C6orf163: variants seen among roughly 807,000 people sequenced by gnomAD.
C6orf163 encodes the protein uncharacterized protein C6orf163.
In C6orf163, 22 loss-of-function variants were observed where a neutral mutation model predicts 28.4. That is an observed-to-expected ratio of 0.78 (90% confidence interval 0.55 to 1.11). The LOEUF (loss-of-function observed/expected upper bound fraction) is 1.11. Ranked by LOEUF, C6orf163 falls within the 50% of genes least tolerant of loss-of-function variation. The pLI is 0.00. For missense variants in C6orf163, 342 were observed against 389.1 expected (o/e 0.88, Z 1.02); for synonymous variants, 110 against 123.6 (o/e 0.89, Z 0.73).
chr6:87,354,078 C>T (rs544448963), intron 3 of C6orf163, among the ~76,000 whole-genome samples: 4 of 152,224 alleles, frequency 2.6e-5, no homozygotes, highest in Admixed American at 1.3e-4. Flanking sequence ...AGGCTGGTCT[C>T]GAACTCCTGG....
Position 87,365,033 on chromosome 6 carries a change from G to T in C6orf163, c.627G>T (p.Leu209=), listed in dbSNP as rs1202296210. ...ATGAGAAGACCAGTGTGGCCCGACT[G>T]ATGAGGGAAAAAGAACATGAAATGA... ...IKDEKTSVAR[L]MREKEHEMSI... is the part of the protein sequence containing the mutation. The change falls in exon 5 of 5, where the codon CTG becomes CTT. Residue 209 remains leucine (L), a synonymous_variant. Coordinates refer to ENST00000388923, the MANE Select transcript of C6orf163 (RefSeq NM_001010868.3). 3.9e-6 allele frequency: 6 copies of T among 1,551,710 alleles called. No homozygotes were observed. The East Asian group carries it at 7.3e-5, about 19-fold the overall frequency.
At chr6:87,355,766 G>A (rs1045837691) in intron 3 of C6orf163, among the ~76,000 whole-genome samples, 3 of 152,058 alleles carry the variant, frequency 2.0e-5, no homozygotes. Context: ...TCTGGGCCTC[G>A]GACTGCCAGG....
chr6:87,356,164 A>C, intron 3 of C6orf163, 137 bp from the exon 4 acceptor site: 1 of 729,860 alleles, frequency 1.4e-6, no homozygotes, highest in Non-Finnish European at 2.2e-6. Flanking sequence ...TATCATACAC[A>C]CTCTTCTTTT....
At chr6:87,349,271 A>G (rs976064389) in intron 2 of C6orf163, among the ~76,000 whole-genome samples, 1 of 152,164 alleles carries the variant, frequency 6.6e-6, no homozygotes, top group Non-Finnish European at 1.5e-5. Flanking sequence ...AAGAAAAAAA[A>G]ATGTCTAAGA....
At chr6:87,352,120 G>A (rs1473454840) in intron 3 of C6orf163, among the ~76,000 whole-genome samples, 2 of 152,198 alleles carry the variant, frequency 1.3e-5, no homozygotes, top group East Asian at 1.9e-4. Context: ...ATATTTGTCC[G>A]GGGGTTGAGA....
chr6:87,357,480 A>G (rs952606983), intron 4 of C6orf163: 2 of 152,044 alleles, frequency 1.3e-5, no homozygotes, highest in African/African-American at 4.8e-5. Context: ...TTTCATTAGA[A>G]CTCTTTAGAA....
At chr6:87,345,938 A>AAAAAAAAAC (rs1777315843) in intron 1 of C6orf163, among the ~76,000 whole-genome samples, 1 of 151,020 alleles carries the variant, frequency 6.6e-6, no homozygotes, top group Non-Finnish European at 1.5e-5. Flanking sequence ...AAAAAAAAAA[A>AAAAAAAAAC]AATTTTAAAG....
intron 3 of C6orf163, among the ~76,000 whole-genome samples, chr6:87,351,888 T>C (rs1777418127): frequency 6.6e-6 from 1 of 152,202 alleles, no homozygotes; most frequent in East Asian, 1.9e-4. Context: ...AGGTGGGCCC[T>C]ACTGTGCTGG....
chr6:87,345,940 A>AAAAAAAAAT (rs869225279), intron 1 of C6orf163, among the ~76,000 whole-genome samples: 1 of 141,342 alleles, frequency 7.1e-6, no homozygotes, highest in African/African-American at 2.7e-5. Context: ...AAAAAAAAAA[A>AAAAAAAAAT]TTTTAAAGTA....
Position 87,348,879 on chromosome 6 carries a change from G to T in C6orf163, c.216G>T (p.Ala72=), listed in dbSNP as rs749068836. ...AAGATATACTCAGAGAACACATTGC[G>T]AAAGCAGAAGCTGAAGTATGGGCTC... The part of the protein sequence containing the change: ...FQEDILREHI[A]KAEAEVWAQA... The change falls in exon 2 of 5, where the codon GCG becomes GCT. Residue 72 remains alanine, a synonymous_variant. Transcript: ENST00000388923. 13 of 1,537,394 alleles carry T rather than the reference G, an allele frequency of 8.5e-6. 1 individual carries two copies. Among genetic ancestry groups the T allele is most frequent in the Non-Finnish European group, 3.5e-6 (4 of 1,146,930 alleles).
At chr6:87,361,140 C>T (rs1009757676) in intron 4 of C6orf163, among the ~76,000 whole-genome samples, 5 of 152,026 alleles carry the variant, frequency 3.3e-5, no homozygotes, top group African/African-American at 1.2e-4. Flanking sequence ...CAAAAATTAG[C>T]TGGGCATGGT....
At position 87,345,234 on chromosome 6, in the gene C6orf163, C is replaced by CAAAG; in HGVS notation, c.137_140dup (p.Asp47GlufsTer32). 1.3e-6 allele frequency: 2 copies of CAAAG among 1,527,932 alleles called. No individual in the cohort carries two copies. Among genetic ancestry groups the CAAAG allele is most frequent in the Non-Finnish European group, 1.7e-6 (2 of 1,144,474 alleles). 94.6% of individuals were successfully genotyped at this position (1,527,932 alleles called of 1,614,324 possible). On this transcript the variant is annotated frameshift_variant, in exon 1 of 5. Transcript: ENST00000388923. LOFTEE classifies it high-confidence loss of function. The stretch of plus-strand genomic sequence containing the variant: ...CACTTAAGACACGCTTTTACACTCA[C>CAAAG]AAAGACATACTAGGTAAGTGACTTT...
At position 87,365,377 on chromosome 6, in the gene C6orf163, AC is replaced by A; in HGVS notation, c.972del (p.Asn324LysfsTer?). On this transcript the variant is annotated frameshift_variant, in exon 5 of 5. Coordinates refer to ENST00000388923, the MANE Select transcript of C6orf163 (RefSeq NM_001010868.3). LOFTEE classifies it high-confidence loss of function. The stretch of plus-strand genomic sequence containing the variant: ...CCTTCTAATCTTGTTATTAAGGAGA[AC>A]AAAACAACTCTTGATTAGAAGTCTT... ...KTPSNLVIKE[N>X]KTTLD 4 of 1,534,002 alleles carry A rather than the reference AC, an allele frequency of 2.6e-6. No homozygotes were observed. The highest frequency in any genetic ancestry group is 3.5e-6 in the Non-Finnish European group (4 of 1,137,652).
intron 3 of C6orf163, among the ~76,000 whole-genome samples, chr6:87,351,274 C>A (rs998144813): frequency 2.0e-5 from 3 of 152,276 alleles, no homozygotes; most frequent in South Asian, 4.1e-4. Flanking sequence ...TGACAATACA[C>A]GGGCAGAAGC....
At position 87,345,242 on chromosome 6, in the gene C6orf163, T is replaced by C; in HGVS notation, c.143T>C (p.Ile48Thr). 1.3e-6 allele frequency: 2 copies of C among 1,521,482 alleles called. No homozygotes were observed. The highest frequency in any genetic ancestry group is 1.8e-6 in the Non-Finnish European group (2 of 1,142,792). 94.2% of individuals were successfully genotyped at this position (1,521,482 alleles called of 1,614,324 possible). The part of the protein sequence containing the change: ...LKTRFYTHKD[I>T]LDIGANILKK... ...ACACGCTTTTACACTCACAAAGACA[T>C]ACTAGGTAAGTGACTTTATCGTTTT... Residue 48 changes from isoleucine to threonine, a missense_variant, in exon 1 of 5, where the codon ATA (isoleucine) becomes ACA (threonine). By Grantham distance (89) the Ile-to-Thr change is moderately conservative. Transcript: ENST00000388923.
chr6:87,345,389 A>C (rs992090775), intron 1 of C6orf163, 142 bp downstream of exon 1: 9 of 752,632 alleles, frequency 1.2e-5, no homozygotes, highest in East Asian at 3.0e-5. Flanking sequence ...TATGGGTTGG[A>C]ATACAGCTTC....
rs934423249 is a variant in C6orf163, at chr6:87,365,012, G to A, written c.606G>A (p.Glu202=). 17 of 1,551,652 alleles carry A rather than the reference G, an allele frequency of 1.1e-5. No homozygotes were observed. In the African/African-American group the frequency reaches 1.9e-4, roughly 17 times the overall value. The stretch of plus-strand genomic sequence containing the variant: ...CTGGTGTCACAGTTATTAAGGATGA[G>A]AAGACCAGTGTGGCCCGACTGATGA... ...VNTGVTVIKD[E]KTSVARLMRE... The change falls in exon 5 of 5, where the codon GAG becomes GAA. Residue 202 remains glutamate, a synonymous_variant. Coordinates refer to ENST00000388923, the MANE Select transcript of C6orf163 (RefSeq NM_001010868.3).
intron 4 of C6orf163, among the ~76,000 whole-genome samples, chr6:87,361,961 G>A (rs1777586575): frequency 3.3e-5 from 5 of 152,090 alleles, no homozygotes; most frequent in African/African-American, 1.2e-4. Context: ...ACCCCACTAA[G>A]ATTCAGTTCA....
At chr6:87,350,866 A>G (rs1777402173) in intron 3 of C6orf163, among the ~76,000 whole-genome samples, 1 of 152,232 alleles carries the variant, frequency 6.6e-6, no homozygotes, top group Non-Finnish European at 1.5e-5. Context: ...TGCAGCTTTC[A>G]GCAGGGGTGT....
Sources: gnomAD v4.1 joint callset for allele counts (sites outside exome capture counted in the v4.1 genomes callset) on GRCh38, gnomAD v4.1.1 for gene constraint, MANE v1.5 for transcripts, NCBI Gene and HGNC (gene_info 2026-07-23, HGNC 2026-07-21) for gene names.